XKR6: variants seen among roughly 807,000 people sequenced by gnomAD.
The protein encoded by XKR6 is XK-related protein 6.
Under a neutral mutation model 56.7 loss-of-function variants are expected in XKR6, and 22 were observed. That is an observed-to-expected ratio of 0.39 (90% CI 0.28 to 0.55). The LOEUF is 0.55. Ranked by LOEUF, XKR6 falls within the 20% of genes least tolerant of loss-of-function variation. The pLI is 0.66. For missense variants in XKR6, 852 were observed against 889.0 expected, an observed-to-expected ratio of 0.96 and a Z score of 0.53; for synonymous variants, 524 against 387.8, an observed-to-expected ratio of 1.35 and a Z score of -4.13.
At chr8:11,035,187 G>T (rs1252668694) in intron 1 of XKR6, 2 of 534,664 alleles carry the variant, frequency 3.7e-6, no homozygotes, top group Non-Finnish European at 7.7e-6. Context: ...CAGCGTGGGT[G>T]CAAGCTATCT....
intron 1 of XKR6, among the ~76,000 whole-genome samples, chr8:11,018,162 C>T (rs1798669110): frequency 6.7e-6 from 1 of 150,300 alleles, no homozygotes; most frequent in Non-Finnish European, 1.5e-5. Context: ...CCTGAATCCC[C>T]CCCACCCACC....
intron 2 of XKR6, among the ~76,000 whole-genome samples, chr8:10,919,931 G>A (rs1465970241): frequency 1.3e-5 from 2 of 152,196 alleles, no homozygotes; most frequent in East Asian, 3.8e-4. Flanking sequence ...CATAATAATT[G>A]TATGATATAT....
chr8:11,091,969 T>C (rs548833088), intron 1 of XKR6, among the ~76,000 whole-genome samples: 4 of 152,228 alleles, frequency 2.6e-5, no homozygotes, highest in South Asian at 2.1e-4. Flanking sequence ...CAATCTCTTA[T>C]GCAAAAACCC....
intron 1 of XKR6, among the ~76,000 whole-genome samples, chr8:11,032,272 G>A (rs1258838616): frequency 6.6e-6 from 1 of 152,196 alleles, no homozygotes; most frequent in Non-Finnish European, 1.5e-5. Context: ...ACATCTTGGT[G>A]GGTTTTTCCA....
chr8:10,920,635 T>A (rs1800682419), intron 2 of XKR6, among the ~76,000 whole-genome samples: 1 of 152,260 alleles, frequency 6.6e-6, no homozygotes, highest in South Asian at 2.1e-4. Context: ...AAGATTGGAA[T>A]GGCATCTACT....
chr8:10,925,557 C>A (rs940156802), intron 1 of XKR6, among the ~76,000 whole-genome samples: 2 of 152,176 alleles, frequency 1.3e-5, no homozygotes, highest in Non-Finnish European at 1.5e-5. Context: ...CTCTCAGGAC[C>A]ACTCCCGGGC....
rs995905314 is a variant in XKR6 at position 10,942,559 on chromosome 8, C to G, written c.765-17729G>C. 5.9e-5 allele frequency among the ~76,000 whole-genome samples: 9 copies of G among 152,354 alleles called. No individual in the cohort carries two copies. In the East Asian group the frequency reaches 1.7e-3, roughly 29 times the overall value. The stretch of plus-strand genomic sequence containing the variant: ...GAGACCGGGCACACAGAGCAAAAAG[C>G]CAAACTCACATTCAGCTGTTGGACT... On this transcript the variant is annotated intron_variant, in intron 1 of 2. Transcript: ENST00000416569.
chr8:10,915,968 C>A (rs11250090), intron 2 of XKR6, among the ~76,000 whole-genome samples: 2,321 of 152,332 alleles, frequency 0.015, 64 homozygotes, highest in African/African-American at 0.051. Flanking sequence ...GGCCAAGGCA[C>A]TGCAATGCCA....
At chr8:10,915,360 T>C (rs976861687) in intron 2 of XKR6, among the ~76,000 whole-genome samples, 1 of 152,170 alleles carries the variant, frequency 6.6e-6, no homozygotes, top group East Asian at 1.9e-4. Flanking sequence ...CCCATGAAGC[T>C]ACCTCGCTCA....
chr8:10,969,608 G>A (rs1371343048), intron 1 of XKR6, among the ~76,000 whole-genome samples: 1 of 152,198 alleles, frequency 6.6e-6, no homozygotes, highest in African/African-American at 2.4e-5. Flanking sequence ...ACAGAATCAC[G>A]GGCTGGTGGG....
chr8:11,061,431 C>T (rs1024803695), intron 1 of XKR6, among the ~76,000 whole-genome samples: 2 of 150,842 alleles, frequency 1.3e-5, no homozygotes, highest in African/African-American at 2.5e-5. Flanking sequence ...CATGCCACTG[C>T]ATGCCAGTCA....
rs563027430 is a variant in XKR6, at chr8:11,046,724, T to C, written c.765-121894A>G. Among the ~76,000 whole-genome samples, 10 of 152,322 alleles carry C rather than the reference T, an allele frequency of 6.6e-5. No individual in the cohort carries two copies. The East Asian group carries it at 1.7e-3, about 26-fold the overall frequency. ...AGCCAAGATAAGGAATCAACTTAAGTGGCCATCCATGGATGAATAGACAAA... is the reference window on the plus strand; with the variant it reads ...AGCCAAGATAAGGAATCAACTTAAGCGGCCATCCATGGATGAATAGACAAA... On this transcript the variant is annotated intron_variant, in intron 1 of 2. Coordinates refer to ENST00000416569, the MANE Select transcript of XKR6 (RefSeq NM_173683.4).
At chr8:11,051,471 C>T (rs1474781892) in intron 1 of XKR6, among the ~76,000 whole-genome samples, 1 of 152,210 alleles carries the variant, frequency 6.6e-6, no homozygotes, top group Non-Finnish European at 1.5e-5. Context: ...CCTAAGTTTT[C>T]CCCTCCAGGC....
chr8:11,171,502 T>C (rs11997794), intron 1 of XKR6, among the ~76,000 whole-genome samples: 7,625 of 152,272 alleles, frequency 0.05, 653 homozygotes, highest in African/African-American at 0.17. Flanking sequence ...GCCTCATGAA[T>C]AGATTCATTC....
chr8:10,981,213 GA>G (rs1797727455), intron 1 of XKR6, among the ~76,000 whole-genome samples: 2 of 152,282 alleles, frequency 1.3e-5, no homozygotes, highest in South Asian at 4.1e-4. Context: ...CTTTTCCATG[GA>G]AAAATGTGTG....
chr8:11,169,645 G>T (rs1408526555), intron 1 of XKR6, among the ~76,000 whole-genome samples: 1 of 152,192 alleles, frequency 6.6e-6, no homozygotes, highest in East Asian at 1.9e-4. Context: ...AAAATGGGAA[G>T]TTAGTATTTA....
chr8:11,082,209 G>A lies in XKR6; in HGVS notation c.764+118367C>T, dbSNP rs888019645. ...AAAGGTGGTCCTCTCCTGTTTGTTC[G>A]GGGGGCATCTCTGAAGCCCAGCTCC... On this transcript the variant is annotated intron_variant, in intron 1 of 2. Coordinates refer to ENST00000416569, the MANE Select transcript of XKR6 (RefSeq NM_173683.4). 3.9e-5 allele frequency among the ~76,000 whole-genome samples: 6 copies of A among 152,152 alleles called. No individual in the cohort carries two copies. The East Asian group carries it at 5.8e-4, about 15-fold the overall frequency.
At chr8:11,119,071 G>A (rs1471661580) in intron 1 of XKR6, among the ~76,000 whole-genome samples, 1 of 151,974 alleles carries the variant, frequency 6.6e-6, no homozygotes, top group African/African-American at 2.4e-5. Context: ...GATGTACCCA[G>A]TAGTCATTCA....
intron 1 of XKR6, among the ~76,000 whole-genome samples, chr8:11,074,312 C>G (rs546737022): frequency 6.6e-6 from 1 of 152,242 alleles, no homozygotes; most frequent in East Asian, 1.9e-4. Flanking sequence ...GTCTTAGGAG[C>G]CCCCACATGG....
Sources: allele counts gnomAD v4.1 joint callset (sites outside exome capture counted in the v4.1 genomes callset), GRCh38; gene constraint gnomAD v4.1.1; transcripts MANE v1.5; gene names NCBI Gene and HGNC (gene_info 2026-07-23, HGNC 2026-07-21).